APC: variants seen among roughly 807,000 people sequenced by gnomAD.
APC encodes adenomatous polyposis coli protein.
APC carries 72 observed loss-of-function variants against 247.0 expected under a neutral mutation model. That is an observed-to-expected ratio of 0.29 (90% confidence interval 0.24 to 0.35). The LOEUF (loss-of-function observed/expected upper bound fraction) is 0.35, where lower values mean the gene tolerates loss of function less well. APC is among the 10% of genes least tolerant of loss of function. The pLI, the probability that APC is intolerant of heterozygous loss-of-function variation, is 1.00. For synonymous variants in APC, 1,254 were observed against 1,162.5 expected (o/e 1.08, Z -1.60); for missense variants, 3,400 against 3,360.7 (o/e 1.01, Z -0.29).
intron 6 of APC, among the ~76,000 whole-genome samples, chr5:112,785,690 C>T (rs903627578): frequency 2.5e-4 from 38 of 152,220 alleles, no homozygotes; most frequent in African/African-American, 8.7e-4. Flanking sequence ...GGAATATTTA[C>T]AACCTTTATA....
intron 8 of APC, chr5:112,810,071 A>G (rs1239675437): frequency 4.4e-6 from 2 of 451,432 alleles, no homozygotes; most frequent in Non-Finnish European, 8.9e-6. Flanking sequence ...GAGAGAAAAG[A>G]TCGTTAACTG....
At position 112,766,340 on chromosome 5, in the gene APC, A is replaced by G. The variant is rs771884136; in HGVS notation, c.150A>G (p.Gln50=). ...EASNMKEVLK[Q]LQGSIEDEAM... is the part of the protein sequence containing the mutation. ...CTTTTTAACAGGAAGTACTTAAACA[A>G]CTACAAGGAAGTATTGAAGATGAAG... The change falls in exon 3 of 16, where the codon CAA becomes CAG. Residue 50 remains glutamine, a synonymous_variant. Coordinates refer to ENST00000257430, the MANE Select transcript of APC (RefSeq NM_000038.6). The G allele has an allele frequency of 1.2e-6, 2 of 1,606,876 alleles. No individual in the cohort carries two copies. Among genetic ancestry groups the G allele is most frequent in the Non-Finnish European group, 1.7e-6 (2 of 1,173,570 alleles).
rs150916875 is a variant in APC at position 112,746,372 on chromosome 5, A to G, written c.-19+8447A>G. On this transcript the variant is annotated intron_variant, in intron 1 of 15. Transcript: ENST00000257430. ...GACACTATTCAAACTATTCCAGACC[A>G]TATAAAAAGATGAGATAGCATAAGC... Among the ~76,000 whole-genome samples the G allele has an allele frequency of 3.3e-4, 51 of 152,316 alleles. 1 individual carries two copies. The highest frequency in any genetic ancestry group is 1.2e-3 in the African/African-American group (48 of 41,590).
chr5:112,752,047 T>A (rs1349371701), intron 1 of APC, among the ~76,000 whole-genome samples: 1 of 152,106 alleles, frequency 6.6e-6, no homozygotes, highest in African/African-American at 2.4e-5. Flanking sequence ...TTTTTCATTG[T>A]AAATTATATT....
At chr5:112,825,374 T>C (rs984198696) in intron 11 of APC, among the ~76,000 whole-genome samples, 8 of 152,230 alleles carry the variant, frequency 5.3e-5, no homozygotes, top group African/African-American at 1.9e-4. Context: ...ATTATTCCTT[T>C]TTCTGCGTAA....
chr5:112,835,039 G>C lies in APC; in HGVS notation c.1832G>C (p.Gly611Ala), dbSNP rs2149842241. 1 of 1,614,126 alleles carries C rather than the reference G, an allele frequency of 6.2e-7. No individual in the cohort carries two copies. The highest frequency in any genetic ancestry group is 8.5e-7 in the Non-Finnish European group (1 of 1,179,994). Reference protein sequence around the residue: ...ENKADICAVDGALAFLVGTLT... With the variant: ...ENKADICAVDAALAFLVGTLT... ...AAAGCTGATATATGTGCTGTAGATG[G>C]TGCACTTGCATTTTTGGTTGGCACT... Residue 611 changes from glycine to alanine, a missense_variant, in exon 15 of 16, where the codon GGT becomes GCT. Around this residue, in one of 9 missense-constraint regions of APC, gnomAD observed 184 missense variants for 248.0 expected, o/e 0.74. Coordinates refer to ENST00000257430, the MANE Select transcript of APC (RefSeq NM_000038.6).
chr5:112,707,988 CTT>C, intron 1 of APC: 3 of 1,162,220 alleles, frequency 2.6e-6, no homozygotes, highest in Non-Finnish European at 2.2e-6. Context: ...CTGTGGCTCT[CTT>C]CTCTCCATGT....
At position 112,838,694 on chromosome 5, in the gene APC, G is replaced by A. The variant is rs2149884328; in HGVS notation, c.3100G>A (p.Glu1034Lys). The A allele has an allele frequency of 6.2e-7, 1 of 1,614,148 alleles. No homozygotes were observed. The highest frequency in any genetic ancestry group is 1.7e-5 in the Admixed American group (1 of 60,024). Residue 1034 changes from glutamate (E) to lysine (K), a missense_variant, in exon 16 of 16, where the codon GAG becomes AAG. By Grantham distance (56) the Glu-to-Lys change is moderately conservative. This residue lies in a region of APC where 715 missense variants were observed against 656.6 expected (regional missense o/e 1.09). Transcript: ENST00000257430. ...AAATTATAGTCTTAAATATTCAGAT[G>A]AGCAGTTGAACTCTGGAAGGCAAAG... Reference protein sequence around the residue: ...PINYSLKYSDEQLNSGRQSPS... With the variant: ...PINYSLKYSDKQLNSGRQSPS...
At position 112,839,441 on chromosome 5, in the gene APC, G is replaced by C. The variant is rs1428789824; in HGVS notation, c.3847G>C (p.Ala1283Pro). The C allele has an allele frequency of 6.2e-7, 1 of 1,614,116 alleles. No individual in the cohort carries two copies. Among genetic ancestry groups the C allele is most frequent in the Non-Finnish European group, 8.5e-7 (1 of 1,179,968 alleles). Residue 1283 changes from alanine (A) to proline (P), a missense_variant, in exon 16 of 16, where the codon GCT becomes CCT. Transcript: ENST00000257430. This position sits in a 1 kb window ranked among gnomAD's most constrained non-coding sequence, Gnocchi z 5.0. ...TAGTTCATTATCATCTTTGTCATCA[G>C]CTGAAGATGAAATAGGATGTAATCA... ...RCSSLSSLSS[A>P]EDEIGCNQTT...
chr5:112,723,482 C>G (rs1490009321), intron 1 of APC, among the ~76,000 whole-genome samples: 1 of 151,884 alleles, frequency 6.6e-6, no homozygotes, highest in Non-Finnish European at 1.5e-5. Context: ...AGAAAAAGAT[C>G]CAGGAGCTGT....
chr5:112,756,201 A>G (rs766402385), intron 2 of APC, among the ~76,000 whole-genome samples: 10 of 152,178 alleles, frequency 6.6e-5, no homozygotes, highest in Non-Finnish European at 1.3e-4. Context: ...ATTCAGTATC[A>G]TCACAGCTCA....
chr5:112,818,860 T>G, intron 9 of APC, 106 bp from the exon 10 acceptor site: 29 of 1,208,004 alleles, frequency 2.4e-5, no homozygotes, highest in Admixed American at 3.9e-5. Flanking sequence ...GGGGGGTTGT[T>G]TTGTTTTTTT....
chr5:112,709,136 G>GTC (rs1750700551), intron 1 of APC, among the ~76,000 whole-genome samples: 1 of 152,152 alleles, frequency 6.6e-6, no homozygotes, highest in East Asian at 1.9e-4. Flanking sequence ...GAGCAATATC[G>GTC]TTTTCTTGAA....
chr5:112,752,866 GA>G (rs1387616895), intron 1 of APC, among the ~76,000 whole-genome samples: 1 of 151,866 alleles, frequency 6.6e-6, no homozygotes, highest in Admixed American at 6.6e-5. Flanking sequence ...GGAGTTAAGG[GA>G]AAAAAAGATG....
chr5:112,819,891 G>T (rs1762939809), intron 10 of APC, among the ~76,000 whole-genome samples: 1 of 152,056 alleles, frequency 6.6e-6, no homozygotes, highest in South Asian at 2.1e-4. Context: ...CTTAACCATG[G>T]CCTCACACCT....
chr5:112,737,703 G>T (rs951863181), upstream of APC, among the ~76,000 whole-genome samples: 2 of 152,270 alleles, frequency 1.3e-5, no homozygotes, highest in African/African-American at 4.8e-5. Context: ...AGGCTGTGCG[G>T]TTGGGCGGGG....
Position 112,835,192 on chromosome 5 carries a change from T to G in APC, c.1958+27T>G, listed in dbSNP as rs748495382. ...TATATATAGAGTTTTATATTACTTTTAAAGTACAGAATTCATACTCTCAAA... is the reference window on the plus strand; with the variant it reads ...TATATATAGAGTTTTATATTACTTTGAAAGTACAGAATTCATACTCTCAAA... On this transcript the variant is annotated intron_variant, in intron 15 of 15. Coordinates refer to ENST00000257430, the MANE Select transcript of APC (RefSeq NM_000038.6). 2.3e-5 allele frequency: 36 copies of G among 1,570,712 alleles called. No individual in the cohort carries two copies. Among genetic ancestry groups the G allele is most frequent in the Non-Finnish European group, 3.1e-5 (36 of 1,149,176 alleles).
intron 11 of APC, 58 bp from the exon 12 acceptor site, chr5:112,827,050 G>T (rs1763736004): frequency 6.4e-7 from 1 of 1,570,554 alleles, no homozygotes; most frequent in Non-Finnish European, 8.7e-7. Flanking sequence ...TACCAACTTG[G>T]TACCAGTTTG....
At chr5:112,765,988 T>C (rs1403844725) in intron 2 of APC, among the ~76,000 whole-genome samples, 3 of 152,206 alleles carry the variant, frequency 2.0e-5, no homozygotes, top group African/African-American at 7.2e-5. Flanking sequence ...AAGTAGCTTT[T>C]GTAACTTGAG....
Sources: allele counts gnomAD v4.1 joint callset (sites outside exome capture counted in the v4.1 genomes callset), GRCh38; gene constraint gnomAD v4.1.1; regional missense constraint gnomAD v4.1.1; non-coding constraint Gnocchi (gnomAD v3.1); transcripts MANE v1.5; gene names NCBI Gene and HGNC (gene_info 2026-07-23, HGNC 2026-07-21).